Variants in GPM6A observed in about 807,000 individuals in gnomAD.
GPM6A encodes the protein glycoprotein M6A.
In GPM6A, 7 loss-of-function variants were observed where a neutral mutation model predicts 32.1. That is an observed-to-expected ratio of 0.22 (90% confidence interval 0.12 to 0.41). The LOEUF is 0.41. Ranked by LOEUF, GPM6A falls within the 10% of genes least tolerant of loss-of-function variation. The pLI, the probability that GPM6A is intolerant of heterozygous loss-of-function variation, is 1.00. For synonymous variants in GPM6A, 130 were observed against 123.4 expected, an observed-to-expected ratio of 1.05 and a Z score of -0.35; for missense variants, 235 against 347.2, an observed-to-expected ratio of 0.68 and a Z score of 2.57.
chr4:175,888,508 C>T (rs1411444967), intron 1 of GPM6A, among the ~76,000 whole-genome samples: 4 of 151,922 alleles, frequency 2.6e-5, no homozygotes, highest in Non-Finnish European at 2.9e-5. Flanking sequence ...ATAGCAAATC[C>T]GAAAGAACAC....
intron 1 of GPM6A, among the ~76,000 whole-genome samples, chr4:175,727,884 G>A (rs1425588400): frequency 6.6e-6 from 1 of 151,790 alleles, no homozygotes; most frequent in African/African-American, 2.4e-5. Context: ...CATGCCTGTA[G>A]TCCCAGATGC....
chr4:175,703,872 A>G (rs1040768606), intron 1 of GPM6A, among the ~76,000 whole-genome samples: 4 of 152,042 alleles, frequency 2.6e-5, no homozygotes, highest in Non-Finnish European at 5.9e-5. Context: ...ATACACACAC[A>G]TATCCTCATT....
At chr4:175,670,755 C>T (rs1743010951) in intron 3 of GPM6A, among the ~76,000 whole-genome samples, 1 of 151,596 alleles carries the variant, frequency 6.6e-6, no homozygotes, top group African/African-American at 2.4e-5. Flanking sequence ...GCTGATACCG[C>T]ATGAAAGGAA....
intron 1 of GPM6A, among the ~76,000 whole-genome samples, chr4:175,894,516 G>C (rs1737739606): frequency 1.3e-5 from 2 of 152,088 alleles, no homozygotes; most frequent in African/African-American, 2.4e-5. Flanking sequence ...AAAAGAAAGA[G>C]ATTTTTATGC....
chr4:175,921,246 A>T (rs72704531), intron 1 of GPM6A, among the ~76,000 whole-genome samples: 20,357 of 151,938 alleles, frequency 0.13, 1,456 homozygotes, highest in South Asian at 0.17. Flanking sequence ...TGATCTATTT[A>T]AAAAAAATCA....
chr4:175,881,522 C>A (rs1310887219), intron 1 of GPM6A, among the ~76,000 whole-genome samples: 3 of 152,174 alleles, frequency 2.0e-5, no homozygotes, highest in Non-Finnish European at 4.4e-5. Flanking sequence ...ATAAATCATG[C>A]TGCTATAAAG....
intron 1 of GPM6A, among the ~76,000 whole-genome samples, chr4:175,827,584 CTATT>C (rs1735478302): frequency 6.6e-6 from 1 of 152,176 alleles, no homozygotes; most frequent in African/African-American, 2.4e-5. Flanking sequence ...AACCAATTAG[CTATT>C]TATTCAACAG....
chr4:175,994,574 G>GA (rs1741247444), intron 1 of GPM6A, among the ~76,000 whole-genome samples: 1 of 152,118 alleles, frequency 6.6e-6, no homozygotes, highest in Non-Finnish European at 1.5e-5. Flanking sequence ...TTTATTGCTA[G>GA]AAAAATGCTT....
intron 2 of GPM6A, among the ~76,000 whole-genome samples, chr4:175,691,396 A>G (rs1026323440): frequency 3.3e-4 from 49 of 149,816 alleles, no homozygotes; most frequent in African/African-American, 1.2e-3. Flanking sequence ...TGTTTTACTA[A>G]TTGTAAAAGC....
intron 1 of GPM6A, among the ~76,000 whole-genome samples, chr4:175,900,586 A>C (rs559100383): frequency 1.9e-4 from 29 of 152,116 alleles, no homozygotes; most frequent in Non-Finnish European, 3.4e-4. Context: ...ATCTCACCCC[A>C]GTTAAAATGG....
At chr4:175,837,264 A>G (rs533812519) in intron 1 of GPM6A, among the ~76,000 whole-genome samples, 13 of 152,312 alleles carry the variant, frequency 8.5e-5, no homozygotes, top group Non-Finnish European at 1.6e-4. Flanking sequence ...GAGCCTCCAG[A>G]AAGAACCAAC....
chr4:175,919,186 T>C (rs1738589536), intron 1 of GPM6A, among the ~76,000 whole-genome samples: 1 of 152,126 alleles, frequency 6.6e-6, no homozygotes, highest in Non-Finnish European at 1.5e-5. Context: ...CTTCTCATGA[T>C]TTTTCTTTTT....
intron 2 of GPM6A, among the ~76,000 whole-genome samples, chr4:175,685,782 G>T (rs1219099895): frequency 6.6e-6 from 1 of 152,040 alleles, no homozygotes; most frequent in Non-Finnish European, 1.5e-5. Flanking sequence ...AATATTCTGG[G>T]TTTAGAGTTG....
chr4:175,658,511 T>C (rs1742217319), intron 3 of GPM6A, among the ~76,000 whole-genome samples: 2 of 152,308 alleles, frequency 1.3e-5, no homozygotes, highest in South Asian at 2.1e-4. Context: ...CGTGTCATTA[T>C]ACATTTGGCA....
intron 1 of GPM6A, among the ~76,000 whole-genome samples, chr4:175,856,336 C>T (rs1015499392): frequency 6.6e-6 from 1 of 152,166 alleles, no homozygotes; most frequent in Non-Finnish European, 1.5e-5. Flanking sequence ...CAGCCCCTGG[C>T]TCATTTGCTC....
At chr4:175,777,011 G>A (rs970294021) in intron 1 of GPM6A, among the ~76,000 whole-genome samples, 5 of 152,128 alleles carry the variant, frequency 3.3e-5, no homozygotes, top group Non-Finnish European at 7.4e-5. Flanking sequence ...GTGTGTGCAC[G>A]TATTTTAATA....
intron 1 of GPM6A, among the ~76,000 whole-genome samples, chr4:175,744,194 A>C (rs1343367760): frequency 6.6e-6 from 1 of 152,068 alleles, no homozygotes; most frequent in Non-Finnish European, 1.5e-5. Flanking sequence ...GTTACAAATA[A>C]AATTTTTAAA....
At chr4:175,912,703 T>G (rs926240887) in intron 1 of GPM6A, among the ~76,000 whole-genome samples, 2 of 152,016 alleles carry the variant, frequency 1.3e-5, no homozygotes, top group Non-Finnish European at 2.9e-5. Context: ...CCAGTTTGAT[T>G]TCAAAAGACC....
chr4:175,873,367 A>G (rs1365491324), intron 1 of GPM6A, among the ~76,000 whole-genome samples: 1 of 152,158 alleles, frequency 6.6e-6, no homozygotes, highest in Non-Finnish European at 1.5e-5. Flanking sequence ...TATTTAAATT[A>G]TAATTACAGA....
Sources: gnomAD v4.1 joint callset for allele counts (sites outside exome capture counted in the v4.1 genomes callset) on GRCh38, gnomAD v4.1.1 for gene constraint, MANE v1.5 for transcripts, NCBI Gene and HGNC (gene_info 2026-07-23, HGNC 2026-07-21) for gene names.